TCERG1L: variants seen among roughly 807,000 people sequenced by gnomAD.
The protein encoded by TCERG1L is transcription elongation regulator 1 like.
In TCERG1L, 37 loss-of-function variants were observed where a neutral mutation model predicts 56.3. The ratio of observed to expected loss-of-function variants is 0.66; its 90% CI spans 0.51 to 0.87. The LOEUF is 0.87. TCERG1L is among the 40% of genes least tolerant of loss of function. TCERG1L has a pLI of 0.00. For missense variants in TCERG1L, 799 were observed against 774.2 expected (o/e 1.03, Z -0.38); for synonymous variants, 324 against 326.3 (o/e 0.99, Z 0.08).
At chr10:131,107,635 C>T (rs1328052539) in intron 9 of TCERG1L, among the ~76,000 whole-genome samples, 1 of 152,140 alleles carries the variant, frequency 6.6e-6, no homozygotes, top group African/African-American at 2.4e-5. Context: ...GTCCTATGAA[C>T]TGCTCCTGAG....
intron 4 of TCERG1L, among the ~76,000 whole-genome samples, chr10:131,203,243 G>A (rs563264516): frequency 2.0e-5 from 3 of 147,920 alleles, no homozygotes; most frequent in South Asian, 2.1e-4. Flanking sequence ...CTGGGTGGTA[G>A]ATGACCTCAC....
At chr10:131,124,690 C>T (rs1845547222) in intron 8 of TCERG1L, among the ~76,000 whole-genome samples, 1 of 152,128 alleles carries the variant, frequency 6.6e-6, no homozygotes. Flanking sequence ...CTGCACTGGC[C>T]TCTACAAGCT....
chr10:131,259,172 T>C (rs987021413), intron 4 of TCERG1L, among the ~76,000 whole-genome samples: 17 of 152,202 alleles, frequency 1.1e-4, no homozygotes, highest in Non-Finnish European at 2.1e-4. Flanking sequence ...TTAGATTTAC[T>C]AGCAACAAAG....
chr10:131,285,384 G>A (rs1589772271), intron 3 of TCERG1L, among the ~76,000 whole-genome samples: 2 of 109,012 alleles, frequency 1.8e-5, no homozygotes, highest in South Asian at 2.9e-4. Flanking sequence ...AAAAAAAAAA[G>A]GAAAGAAAGA....
At chr10:131,251,735 G>A (rs1564826093) in intron 4 of TCERG1L, among the ~76,000 whole-genome samples, 1 of 152,200 alleles carries the variant, frequency 6.6e-6, no homozygotes, top group Admixed American at 6.5e-5. Context: ...ATGTGCATAT[G>A]AGAACACGCC....
At chr10:131,193,105 C>G (rs1357887227) in intron 4 of TCERG1L, among the ~76,000 whole-genome samples, 2 of 152,168 alleles carry the variant, frequency 1.3e-5, no homozygotes, top group Non-Finnish European at 2.9e-5. Flanking sequence ...TCTCTGATGA[C>G]AAGTGATGTT....
intron 4 of TCERG1L, among the ~76,000 whole-genome samples, chr10:131,202,021 T>C (rs762477718): frequency 1.3e-4 from 20 of 152,316 alleles, no homozygotes; most frequent in South Asian, 8.3e-4. Context: ...GACTGCTCCT[T>C]AGGAAAGGTC....
intron 7 of TCERG1L, among the ~76,000 whole-genome samples, chr10:131,135,638 A>T (rs1294036419): frequency 2.0e-5 from 3 of 152,170 alleles, no homozygotes; most frequent in African/African-American, 7.2e-5. Flanking sequence ...ATGCTGCATC[A>T]TCCTTGTGGG....
chr10:131,176,331 T>C (rs12570002), intron 4 of TCERG1L, among the ~76,000 whole-genome samples: 66,180 of 145,550 alleles, frequency 0.45, 16,993 homozygotes, highest in South Asian at 0.68. Context: ...GAGACACGTG[T>C]ACACCCACAG....
Position 131,311,290 on chromosome 10 carries a change from T to C in TCERG1L, c.342+4A>G. On this transcript the variant is annotated splice_donor_region_variant and intron_variant, in intron 1 of 11. Transcript: ENST00000368642. The surrounding 1 kb of genome is among the most constrained non-coding windows in gnomAD (Gnocchi z 4.0). ...CGGGCCGAGGCGGGACGGGGACACG[T>C]TACCTGCCCGTGGAGCGCGGGGAAG... is the stretch of plus-strand genomic sequence containing the variant. 1.7e-6 allele frequency: 2 copies of C among 1,202,370 alleles called. No individual in the cohort carries two copies. Among genetic ancestry groups the C allele is most frequent in the Non-Finnish European group, 2.1e-6 (2 of 969,374 alleles). The allele number at this position is 1,202,370 out of a possible 1,614,324, so 74.5% of individuals were successfully genotyped here.
In TCERG1L at chr10:131,311,590, G is replaced by A; in HGVS notation, c.46C>T (p.Gln16Ter). 2.6e-6 allele frequency: 3 copies of A among 1,153,600 alleles called. No individual in the cohort carries two copies. The highest frequency in any genetic ancestry group is 4.1e-5 in the South Asian group (1 of 24,262). The allele number at this position is 1,153,600 out of a possible 1,614,324, so 71.5% of individuals were successfully genotyped here. The stretch of plus-strand genomic sequence containing the variant: ...GGCTGCCGCCGCCGGGGCTGCTGCT[G>A]CTGCAGCTGCCGCCGCCGCCGCTGG... ...RFQRRRRQLQ[Q>*]QQPRRRQPLL... is the part of the protein sequence containing the mutation. The change falls in exon 1 of 12, where the codon CAG (glutamine) becomes TAG (stop). Residue 16 changes from glutamine to a stop codon, truncating the protein, a stop_gained. Coordinates refer to ENST00000368642, the MANE Select transcript of TCERG1L (RefSeq NM_174937.4). LOFTEE classifies it high-confidence loss of function. The surrounding 1 kb of genome is among the most constrained non-coding windows in gnomAD (Gnocchi z 4.0).
At chr10:131,144,697 A>G (rs1439068359) in intron 7 of TCERG1L, among the ~76,000 whole-genome samples, 6 of 152,252 alleles carry the variant, frequency 3.9e-5, no homozygotes, top group Non-Finnish European at 8.8e-5. Flanking sequence ...TAAGTAGAGT[A>G]CTTAGGTCTA....
intron 4 of TCERG1L, among the ~76,000 whole-genome samples, chr10:131,170,513 G>C (rs1273082320): frequency 6.6e-6 from 1 of 151,852 alleles, no homozygotes; most frequent in Admixed American, 6.6e-5. Flanking sequence ...GAGATGTGAA[G>C]TGCTCCCCAG....
intron 4 of TCERG1L, among the ~76,000 whole-genome samples, chr10:131,236,122 T>C (rs1163855405): frequency 1.3e-5 from 2 of 152,156 alleles, no homozygotes; most frequent in African/African-American, 4.8e-5. Context: ...TGCACTCCCA[T>C]CTCCAAAGAT....
chr10:131,223,333 G>A (rs1845755890), intron 4 of TCERG1L, among the ~76,000 whole-genome samples: 1 of 152,166 alleles, frequency 6.6e-6, no homozygotes, highest in African/African-American at 2.4e-5. Flanking sequence ...GGATGGGACC[G>A]CATGCTCCGC....
chr10:131,309,360 C>A, intron 1 of TCERG1L, 61 bp from the exon 2 acceptor site: 1 of 1,540,048 alleles, frequency 6.5e-7, no homozygotes, highest in Non-Finnish European at 8.7e-7. Context: ...CGACTTCATG[C>A]CAAAACATGC....
intron 4 of TCERG1L, among the ~76,000 whole-genome samples, chr10:131,239,367 GA>G (rs1845947517): frequency 6.6e-6 from 1 of 152,240 alleles, no homozygotes; most frequent in Non-Finnish European, 1.5e-5. Context: ...GAATGAGAAT[GA>G]AAAGTCAGCA....
intron 8 of TCERG1L, among the ~76,000 whole-genome samples, chr10:131,127,881 A>G (rs1206821380): frequency 1.3e-5 from 2 of 152,168 alleles, no homozygotes; most frequent in Admixed American, 6.5e-5. Context: ...CCCAGCCCAC[A>G]TACCACTACC....
intron 9 of TCERG1L, among the ~76,000 whole-genome samples, chr10:131,105,853 C>T (rs11017719): frequency 0.082 from 12,559 of 152,284 alleles, 563 homozygotes; most frequent in Middle Eastern, 0.11. Context: ...TGCTCAGCTT[C>T]TTTGAGGTTG....
Sources: allele counts gnomAD v4.1 joint callset (sites outside exome capture counted in the v4.1 genomes callset), GRCh38; gene constraint gnomAD v4.1.1; non-coding constraint Gnocchi (gnomAD v3.1); transcripts MANE v1.5; gene names NCBI Gene and HGNC (gene_info 2026-07-23, HGNC 2026-07-21).